The following SGCZ variants were observed in gnomAD, a reference collection of about 807,000 sequenced individuals.
SGCZ encodes the protein sarcoglycan zeta, also known as zeta-sarcoglycan.
A neutral mutation model predicts 41.3 loss-of-function variants in SGCZ; 40 were observed. The observed-to-expected ratio is 0.97, with a 90% CI of 0.75 to 1.26. The LOEUF (loss-of-function observed/expected upper bound fraction) is 1.26, where lower values mean the gene tolerates loss of function less well. Among genes scored for constraint, SGCZ ranks in the 50% most tolerant of loss-of-function variants. The pLI is 0.00. For missense variants in SGCZ, 552 were observed against 369.8 expected (o/e 1.49, Z -4.04); for synonymous variants, 206 against 137.5 (o/e 1.50, Z -3.49).
chr8:14,982,798 T>A (rs1228498865), intron 1 of SGCZ, among the ~76,000 whole-genome samples: 2 of 152,216 alleles, frequency 1.3e-5, no homozygotes, highest in African/African-American at 4.8e-5. Context: ...GTGACGATAA[T>A]GAATACAACA....
At chr8:14,857,705 A>C (rs1803590530) in intron 1 of SGCZ, among the ~76,000 whole-genome samples, 1 of 152,026 alleles carries the variant, frequency 6.6e-6, no homozygotes, top group South Asian at 2.1e-4. Flanking sequence ...CTCTACTAAA[A>C]ATACAAAAAA....
intron 1 of SGCZ, among the ~76,000 whole-genome samples, chr8:15,139,478 T>G (rs966638035): frequency 6.6e-6 from 1 of 152,182 alleles, no homozygotes; most frequent in Non-Finnish European, 1.5e-5. Context: ...TCACTATTAC[T>G]GCTATTGCAA....
chr8:14,613,995 A>G (rs570197817), intron 1 of SGCZ, among the ~76,000 whole-genome samples: 38 of 152,308 alleles, frequency 2.5e-4, no homozygotes, highest in African/African-American at 8.7e-4. Flanking sequence ...AAATTCATTG[A>G]CAGTTTAAAC....
intron 1 of SGCZ, among the ~76,000 whole-genome samples, chr8:15,022,678 C>T (rs553567541): frequency 6.6e-6 from 1 of 152,232 alleles, no homozygotes; most frequent in African/African-American, 2.4e-5. Context: ...CATAACTCAT[C>T]TTGATGATAC....
chr8:14,226,338 T>C (rs1192788471), intron 4 of SGCZ, among the ~76,000 whole-genome samples: 1 of 152,162 alleles, frequency 6.6e-6, no homozygotes, highest in African/African-American at 2.4e-5. Flanking sequence ...AGTCAAAATA[T>C]AGGACAGGTT....
chr8:14,860,457 A>T (rs1358752947), intron 1 of SGCZ, among the ~76,000 whole-genome samples: 1 of 150,888 alleles, frequency 6.6e-6, no homozygotes. Flanking sequence ...AGAGAGAAGG[A>T]AAGAGAAGAG....
intron 1 of SGCZ, among the ~76,000 whole-genome samples, chr8:14,955,176 T>TA (rs1226714759): frequency 2.0e-5 from 3 of 152,052 alleles, no homozygotes; most frequent in Non-Finnish European, 4.4e-5. Flanking sequence ...TTAGTGAAGT[T>TA]AAAAAAAAGA....
chr8:14,515,199 T>C (rs2117085953), intron 2 of SGCZ, among the ~76,000 whole-genome samples: 1 of 152,082 alleles, frequency 6.6e-6, no homozygotes, highest in African/African-American at 2.4e-5. Flanking sequence ...AAAACTGAAC[T>C]TCTAGGCTAC....
intron 1 of SGCZ, among the ~76,000 whole-genome samples, chr8:14,671,232 G>A (rs6996024): frequency 0.54 from 82,780 of 152,034 alleles, 24,072 homozygotes; most frequent in East Asian, 0.74. Flanking sequence ...GGTTCTCGCA[G>A]TGGTGTCATG....
chr8:14,258,644 C>T (rs930649668), intron 3 of SGCZ, among the ~76,000 whole-genome samples: 8 of 152,030 alleles, frequency 5.3e-5, no homozygotes, highest in Non-Finnish European at 1.2e-4. Flanking sequence ...GAAGTATATT[C>T]AGAAGAGCAC....
rs1053275145 is a variant in SGCZ at position 14,615,191 on chromosome 8, C to A, written c.40-60265G>T. 1.3e-5 allele frequency among the ~76,000 whole-genome samples: 2 copies of A among 152,196 alleles called. 1 individual carries two copies. The highest frequency in any genetic ancestry group is 3.8e-4 in the East Asian group (2 of 5,196). On this transcript the variant is annotated intron_variant, in intron 1 of 7. Transcript: ENST00000382080. ...TGTTACATTAAATAAGCAGGAGGCC[C>A]TTAACCTGTTGACTCTGTACTTTGA...
rs999305985 is a variant in SGCZ at position 14,726,284 on chromosome 8, G to A, written c.40-171358C>T. ...TCTCAAAAAAAAAAAAAAATCATAC[G>A]CGTGTGTGTGTGTATATGTGTAAAT... On this transcript the variant is annotated intron_variant, in intron 1 of 7. Coordinates refer to ENST00000382080, the MANE Select transcript of SGCZ (RefSeq NM_139167.4). 6.0e-5 allele frequency among the ~76,000 whole-genome samples: 8 copies of A among 133,732 alleles called. 1 individual carries two copies. Among genetic ancestry groups the A allele is most frequent in the Admixed American group, 1.5e-4 (2 of 13,030 alleles). The allele number at this position is 133,732 out of a possible 152,430, so 87.7% of individuals were successfully genotyped here.
At chr8:14,373,805 T>C (rs1444933541) in intron 2 of SGCZ, among the ~76,000 whole-genome samples, 3 of 152,036 alleles carry the variant, frequency 2.0e-5, no homozygotes, top group South Asian at 2.1e-4. Flanking sequence ...GTATGAATGA[T>C]AGCAGAGAAC....
At chr8:14,967,582 C>T (rs760317409) in intron 1 of SGCZ, among the ~76,000 whole-genome samples, 5 of 152,180 alleles carry the variant, frequency 3.3e-5, no homozygotes, top group Non-Finnish European at 7.4e-5. Flanking sequence ...AAACTCGCCA[C>T]GTCTGAAGCT....
chr8:14,217,900 G>A (rs7001878), intron 4 of SGCZ, among the ~76,000 whole-genome samples: 5,668 of 151,944 alleles, frequency 0.037, 357 homozygotes, highest in African/African-American at 0.13. Context: ...CAAAGTGCTG[G>A]GATTACAGGT....
At chr8:14,951,178 CTCTT>C (rs149972240) in intron 1 of SGCZ, among the ~76,000 whole-genome samples, 16,439 of 151,940 alleles carry the variant, frequency 0.11, 1,065 homozygotes, top group African/African-American at 0.17. Context: ...AATACAGACT[CTCTT>C]TATAGTTATA....
At chr8:14,620,698 T>C (rs1806256307) in intron 1 of SGCZ, among the ~76,000 whole-genome samples, 1 of 152,184 alleles carries the variant, frequency 6.6e-6, no homozygotes, top group South Asian at 2.1e-4. Flanking sequence ...ATGCTCATCA[T>C]CACTTGCCAT....
intron 2 of SGCZ, among the ~76,000 whole-genome samples, chr8:14,412,879 AAT>A (rs1373304289): frequency 1.3e-5 from 2 of 152,034 alleles, no homozygotes; most frequent in Non-Finnish European, 2.9e-5. Context: ...GCAAATAATA[AAT>A]ATTTGTCTGG....
intron 1 of SGCZ, among the ~76,000 whole-genome samples, chr8:14,599,712 T>G (rs960622354): frequency 1.3e-5 from 2 of 152,186 alleles, no homozygotes; most frequent in African/African-American, 4.8e-5. Flanking sequence ...CGTGTCCCTC[T>G]CTAAAACAAA....
Sources: gnomAD v4.1 joint callset for allele counts (sites outside exome capture counted in the v4.1 genomes callset) on GRCh38, gnomAD v4.1.1 for gene constraint, MANE v1.5 for transcripts, NCBI Gene and HGNC (gene_info 2026-07-23, HGNC 2026-07-21) for gene names.